The following VPS13C variants were observed in gnomAD, a reference collection of about 807,000 sequenced individuals.
VPS13C encodes the protein vacuolar protein sorting 13 homolog C.
Under a neutral mutation model 456.8 loss-of-function variants are expected in VPS13C, and 358 were observed. That is an observed-to-expected ratio of 0.78 (90% CI 0.72 to 0.86). The LOEUF is 0.86. VPS13C is among the 40% of genes least tolerant of loss of function. The pLI, the probability that VPS13C is intolerant of heterozygous loss-of-function variation, is 0.00. For synonymous variants in VPS13C, 1,578 were observed against 1,486.7 expected (o/e 1.06, Z -1.41); for missense variants, 4,818 against 4,385.4 (o/e 1.10, Z -2.79).
At chr15:62,019,380 T>A (rs1244147903) in intron 9 of VPS13C, among the ~76,000 whole-genome samples, 1 of 152,164 alleles carries the variant, frequency 6.6e-6, no homozygotes, top group East Asian at 1.9e-4. Flanking sequence ...ATTGTGATGT[T>A]AGGGTGTCAA....
intron 66 of VPS13C, among the ~76,000 whole-genome samples, chr15:61,904,107 C>A (rs929228312): frequency 2.0e-5 from 3 of 152,028 alleles, no homozygotes; most frequent in Non-Finnish European, 4.4e-5. Flanking sequence ...AAAGCACAAT[C>A]AACACAAGTG....
chr15:61,867,683 G>C lies in VPS13C; in HGVS notation c.10863+976C>G. The C allele has an allele frequency of 7.7e-7, 1 of 1,306,846 alleles. No individual in the cohort carries two copies. Among genetic ancestry groups the C allele is most frequent in the Non-Finnish European group, 9.7e-7 (1 of 1,027,432 alleles). 81.0% of individuals were successfully genotyped at this position (1,306,846 alleles called of 1,614,324 possible). A position where few individuals can be genotyped will look rare whatever the true frequency, so the allele number is the denominator to read the frequency against. On this transcript the variant is annotated intron_variant, in intron 81 of 84. Transcript: ENST00000644861. This position sits in a 1 kb window ranked among gnomAD's most constrained non-coding sequence, Gnocchi z 5.0. ...AGGCTTTCATCTATTAAACGCAGAA[G>C]AGAGCTGATTCTCTGCATCCTTTAA...
At chr15:61,945,689 GAATA>G in intron 45 of VPS13C, 22 bp downstream of exon 45, 1 of 1,543,058 alleles carries the variant, frequency 6.5e-7, no homozygotes, top group Non-Finnish European at 8.7e-7. Flanking sequence ...CCTCAGTGAG[GAATA>G]AATATATTTT....
chr15:61,981,492 A>G lies in VPS13C; in HGVS notation c.2030-14T>C. Reference sequence around the variant, plus strand: ...TATGTGTAAGTCCTAAAGACGTAAGAAATAATGACAGATTAGATGGTCAAG... The same window carrying G: ...TATGTGTAAGTCCTAAAGACGTAAGGAATAATGACAGATTAGATGGTCAAG... On this transcript the variant is annotated splice_polypyrimidine_tract_variant and intron_variant, in intron 21 of 84. Transcript: ENST00000644861. 6.4e-7 allele frequency: 1 copy of G among 1,568,542 alleles called. No homozygotes were observed. Among genetic ancestry groups the G allele is most frequent in the Non-Finnish European group, 8.6e-7 (1 of 1,162,152 alleles).
Position 61,853,994 on chromosome 15 carries a change from A to T in VPS13C, c.*463T>A, listed in dbSNP as rs2140825968. 1 of 157,706 alleles carries T rather than the reference A, an allele frequency of 6.3e-6. No homozygotes were observed. The highest frequency in any genetic ancestry group is 1.8e-4 in the East Asian group (1 of 5,554). 9.8% of individuals were successfully genotyped at this position (157,706 alleles called of 1,614,324 possible). A position where few individuals can be genotyped will look rare whatever the true frequency, so the allele number is the denominator to read the frequency against. On this transcript the variant is annotated 3_prime_UTR_variant, in exon 85 of 85. Transcript: ENST00000644861. Reference sequence around the variant, plus strand: ...GAGGCAGAGATTGCAGTGAGCCAAGATCGCACCACTGCATTCCAGCCTGGG... The same window carrying T: ...GAGGCAGAGATTGCAGTGAGCCAAGTTCGCACCACTGCATTCCAGCCTGGG...
chr15:61,992,383 A>G (rs538587864), intron 16 of VPS13C, among the ~76,000 whole-genome samples: 2 of 152,300 alleles, frequency 1.3e-5, no homozygotes, highest in East Asian at 3.9e-4. Context: ...AAAAGGCAGA[A>G]TACAGGGATA....
intron 59 of VPS13C, among the ~76,000 whole-genome samples, chr15:61,917,874 A>G (rs1348107974): frequency 6.6e-6 from 1 of 152,180 alleles, no homozygotes; most frequent in Non-Finnish European, 1.5e-5. Context: ...TGTAAACAAG[A>G]CAACTTAAAA....
In VPS13C at chr15:61,922,520, T is replaced by C. The variant is rs1049401854; in HGVS notation, c.6852A>G (p.Gln2284=). Residue 2284 remains glutamine, a synonymous_variant, in exon 54 of 85, where the codon CAA becomes CAG. Transcript: ENST00000644861. ...ENCGVVVESI[Q]VTLECGLGHR... Reference sequence around the variant, plus strand: ...GTCCAAGGCCACATTCTAAGGTAACTTGAATGGATTCTACAACAACACCAC... The same window carrying C: ...GTCCAAGGCCACATTCTAAGGTAACCTGAATGGATTCTACAACAACACCAC... 6.2e-7 allele frequency: 1 copy of C among 1,613,998 alleles called. No homozygotes were observed. Among genetic ancestry groups the C allele is most frequent in the Non-Finnish European group, 8.5e-7 (1 of 1,179,974 alleles).
In VPS13C at chr15:61,854,132, G is replaced by T. The variant is rs1006076912; in HGVS notation, c.*325C>A. The stretch of plus-strand genomic sequence containing the variant: ...AGCTCATTTCTTATTCTTCAGTAAG[G>T]CTTTAATTAAATATAAGCCTATTGA... On this transcript the variant is annotated 3_prime_UTR_variant, in exon 85 of 85. Coordinates refer to ENST00000644861, the MANE Select transcript of VPS13C (RefSeq NM_020821.3). 3.3e-6 allele frequency: 1 copy of T among 301,172 alleles called. No homozygotes were observed. Among genetic ancestry groups the T allele is most frequent in the Non-Finnish European group, 6.2e-6 (1 of 160,942 alleles). 18.7% of individuals were successfully genotyped at this position (301,172 alleles called of 1,614,324 possible).
rs116147905 is a variant in VPS13C, at chr15:61,854,532, T to C, written c.11187A>G (p.Ala3729=). The C allele has an allele frequency of 2.5e-6, 4 of 1,614,108 alleles. No homozygotes were observed. The highest frequency in any genetic ancestry group is 3.4e-6 in the Non-Finnish European group (4 of 1,179,978). ...ATTTTTGCTGCTGTCTCGTTGACTG[T>C]GCATCCTCAATGGCATTACATGCTC... ...AERACNAIED[A]QSTRQQQKLM... is the part of the protein sequence containing the mutation. The change falls in exon 85 of 85, where the codon GCA becomes GCG. Residue 3729 remains alanine (A), a synonymous_variant. Coordinates refer to ENST00000644861, the MANE Select transcript of VPS13C (RefSeq NM_020821.3).
intron 67 of VPS13C, among the ~76,000 whole-genome samples, chr15:61,885,612 T>A (rs188326727): frequency 6.6e-6 from 1 of 152,296 alleles, no homozygotes; most frequent in East Asian, 1.9e-4. Context: ...TTGACACTAA[T>A]GGTTTGGTAA....
At chr15:61,974,527 T>A in intron 24 of VPS13C, 110 bp from the exon 25 acceptor site, 1 of 1,159,136 alleles carries the variant, frequency 8.6e-7, no homozygotes, top group Non-Finnish European at 1.2e-6. Flanking sequence ...TGACATGTTT[T>A]AATCTAATTA....
intron 3 of VPS13C, among the ~76,000 whole-genome samples, chr15:62,038,328 C>T (rs188173580): frequency 6.6e-5 from 10 of 152,266 alleles, no homozygotes; most frequent in Non-Finnish European, 2.9e-5. Context: ...GTGACTCACA[C>T]CTGTAATCCC....
intron 23 of VPS13C, 34 bp from the exon 24 acceptor site, chr15:61,977,233 T>C: frequency 7.7e-7 from 1 of 1,290,432 alleles, no homozygotes; most frequent in Non-Finnish European, 1.1e-6. Flanking sequence ...TATTTATTAT[T>C]TTTACAAACA....
At chr15:61,974,140 T>C in intron 25 of VPS13C, 148 bp downstream of exon 25, 1 of 815,726 alleles carries the variant, frequency 1.2e-6, no homozygotes, top group Non-Finnish European at 1.7e-6. Context: ...CTAGCTTTAT[T>C]TAAAACACAT....
chr15:61,949,055 C>T (rs1258836707), intron 42 of VPS13C, among the ~76,000 whole-genome samples: 3 of 152,110 alleles, frequency 2.0e-5, no homozygotes, highest in African/African-American at 7.2e-5. Context: ...TTTAAAATTG[C>T]TGAGCACCAG....
In VPS13C at chr15:61,956,418, C is replaced by T. The variant is rs115035799; in HGVS notation, c.4166-1864G>A. On this transcript the variant is annotated intron_variant, in intron 37 of 84. Transcript: ENST00000644861. ...TAATGGGATCATTTGTAGACAAAAT[C>T]GCAGTGACATGCAATTTACCCATGT... is the stretch of plus-strand genomic sequence containing the variant. Among the ~76,000 whole-genome samples, 860 of 151,976 alleles carry T rather than the reference C, an allele frequency of 5.7e-3. 6 individuals carry two copies. The highest frequency in any genetic ancestry group is 0.02 in the African/African-American group (822 of 41,446).
At chr15:61,913,802 C>A (rs1443338458) in intron 61 of VPS13C, among the ~76,000 whole-genome samples, 1 of 152,274 alleles carries the variant, frequency 6.6e-6, no homozygotes, top group African/African-American at 2.4e-5. Context: ...ATGTCTTCAA[C>A]ATTGTTCAGC....
At chr15:61,872,212 A>G (rs181596467) in intron 78 of VPS13C, among the ~76,000 whole-genome samples, 178 bp from the exon 79 acceptor site, 15 of 152,320 alleles carry the variant, frequency 9.8e-5, no homozygotes, top group Non-Finnish European at 2.1e-4. Context: ...TTTTTCAAAT[A>G]TCATATCACA....
Sources: gnomAD v4.1 joint callset for allele counts (sites outside exome capture counted in the v4.1 genomes callset) on GRCh38, gnomAD v4.1.1 for gene constraint, Gnocchi (gnomAD v3.1) non-coding constraint, MANE v1.5 for transcripts, NCBI Gene and HGNC (gene_info 2026-07-23, HGNC 2026-07-21) for gene names.